BRWD3: variants seen among roughly 807,000 people sequenced by gnomAD.
The protein encoded by BRWD3 is bromodomain and WD repeat-containing protein 3.
Under a neutral mutation model 149.7 loss-of-function variants are expected in BRWD3, and 10 were observed. That is an observed-to-expected ratio of 0.07 (90% confidence interval 0.04 to 0.11). The LOEUF (loss-of-function observed/expected upper bound fraction) is 0.11, where lower values mean the gene tolerates loss of function less well. Among genes scored for constraint, BRWD3 ranks in the 10% least tolerant of loss-of-function variants. The pLI is 1.00. For missense variants in BRWD3, 940 were observed against 1,373.2 expected (o/e 0.68, Z 4.99); for synonymous variants, 504 against 456.7 (o/e 1.10, Z -1.32).
intron 33 of BRWD3, 65 bp downstream of exon 33, chrX:80,689,703 C>A: frequency 1.0e-6 from 1 of 972,627 alleles, no homozygotes; most frequent in Non-Finnish European, 1.5e-6. Flanking sequence ...AACATTTACA[C>A]ATAATACTGT....
At chrX:80,709,726 A>C in intron 20 of BRWD3, 149 bp from the exon 21 acceptor site, 1 of 501,357 alleles carries the variant, frequency 2.0e-6, no homozygotes, top group South Asian at 3.3e-5. Flanking sequence ...AACTATATTT[A>C]TACATATTTA....
rs201529579 is a variant in BRWD3, at chrX:80,701,348, G to C, written c.2836-1284C>G. 7.4e-5 allele frequency among the ~76,000 whole-genome samples: 8 copies of C among 108,595 alleles called. No individual in the cohort carries two copies. The East Asian group carries it at 2.3e-3, about 31-fold the overall frequency. 94.3% of individuals were successfully genotyped at this position (108,595 alleles called of 115,157 possible). A position where few individuals can be genotyped will look rare whatever the true frequency, so the allele number is the denominator to read the frequency against. ...GGATCACCTGAGGTCAGGAGTTCGA[G>C]ACCAGCCTGGCCAACATGGTGAAAC... On this transcript the variant is annotated intron_variant, in intron 24 of 40. Transcript: ENST00000373275.
At chrX:80,751,358 T>C (rs1020182955) in intron 6 of BRWD3, among the ~76,000 whole-genome samples, 2 of 111,457 alleles carry the variant, frequency 1.8e-5, no homozygotes, top group Admixed American at 9.6e-5. Context: ...ATTGTACGCC[T>C]TGAATATACA....
chrX:80,777,951 T>G (rs777514484), intron 6 of BRWD3, among the ~76,000 whole-genome samples: 13 of 111,174 alleles, frequency 1.2e-4, no homozygotes, highest in Non-Finnish European at 1.3e-4. Context: ...ACACACAGCC[T>G]AAGTTTTAAA....
At chrX:80,717,390 A>T in intron 19 of BRWD3, 183 bp downstream of exon 19, 1 of 460,169 alleles carries the variant, frequency 2.2e-6, no homozygotes, top group Non-Finnish European at 3.7e-6. Flanking sequence ...AGCATTCAGC[A>T]CAAAGCTGAA....
At chrX:80,801,214 CT>C (rs763933804) in intron 4 of BRWD3, among the ~76,000 whole-genome samples, 32 of 57,374 alleles carry the variant, frequency 5.6e-4, no homozygotes, top group South Asian at 1.6e-3. Context: ...GAGAAAACAT[CT>C]TTTTTTTTTT....
chrX:80,709,604 T>C lies in BRWD3; in HGVS notation c.2326-27A>G, dbSNP rs758778983. ...TGTAAAAGAGAAGAATAATAAATTT[T>C]AAAAAAGGAAAAGCTCAGTAAACAC... On this transcript the variant is annotated intron_variant, in intron 20 of 40. Coordinates refer to ENST00000373275, the MANE Select transcript of BRWD3 (RefSeq NM_153252.5). 6 of 1,187,634 alleles carry C rather than the reference T, an allele frequency of 5.1e-6. No individual in the cohort carries two copies. The South Asian group carries it at 1.1e-4, about 22-fold the overall frequency.
intron 6 of BRWD3, among the ~76,000 whole-genome samples, chrX:80,763,282 G>T (rs1420319511): frequency 9.0e-6 from 1 of 111,380 alleles, no homozygotes; most frequent in Non-Finnish European, 1.9e-5. Context: ...AGGCAATCTT[G>T]TTTCAAAGGC....
At chrX:80,767,139 C>A (rs999798367) in intron 6 of BRWD3, among the ~76,000 whole-genome samples, 4 of 112,096 alleles carry the variant, frequency 3.6e-5, no homozygotes, top group African/African-American at 1.3e-4. Flanking sequence ...CACCTCAGCT[C>A]AGCAAGAAAC....
chrX:80,713,249 A>G (rs1388318414), intron 20 of BRWD3, among the ~76,000 whole-genome samples: 3 of 111,333 alleles, frequency 2.7e-5, no homozygotes, highest in East Asian at 5.7e-4. Flanking sequence ...GGAATAGAAA[A>G]GGGGGAAAGG....
At chrX:80,719,382 A>G in intron 18 of BRWD3, 107 bp downstream of exon 18, 1 of 743,257 alleles carries the variant, frequency 1.3e-6, no homozygotes, top group Non-Finnish European at 1.9e-6. Context: ...AAATTAATAA[A>G]AAAGTTTTTA....
At chrX:80,692,584 T>C (rs1301913655) in intron 28 of BRWD3, among the ~76,000 whole-genome samples, 2 of 112,381 alleles carry the variant, frequency 1.8e-5, no homozygotes, top group Admixed American at 9.4e-5. Flanking sequence ...TTCATAGCTA[T>C]ATTCCAGCAA....
chrX:80,740,601 T>A (rs1409570267), intron 8 of BRWD3, among the ~76,000 whole-genome samples: 1 of 111,004 alleles, frequency 9.0e-6, no homozygotes, highest in Non-Finnish European at 1.9e-5. Flanking sequence ...ATACAAAATA[T>A]AGCCGGATGT....
At chrX:80,690,380 T>C (rs1445085108) in intron 31 of BRWD3, among the ~76,000 whole-genome samples, 1 of 110,984 alleles carries the variant, frequency 9.0e-6, no homozygotes, top group Non-Finnish European at 1.9e-5. Context: ...CAAAAGAATG[T>C]TTAGTTTAGT....
rs753132073 is a variant in BRWD3, at chrX:80,708,771, G to A, written c.2475+657C>T. On this transcript the variant is annotated intron_variant, in intron 21 of 40. Coordinates refer to ENST00000373275, the MANE Select transcript of BRWD3 (RefSeq NM_153252.5). ...GCAGAGGTTGCAGTGAGCCAAGTAC[G>A]TGTCACTGCACTCCAGCCTGGGGAC... Among the ~76,000 whole-genome samples the A allele has an allele frequency of 6.4e-5, 7 of 108,677 alleles. No individual in the cohort carries two copies. In the East Asian group the frequency reaches 1.5e-3, roughly 23 times the overall value. 94.4% of individuals were successfully genotyped at this position (108,677 alleles called of 115,157 possible).
chrX:80,708,311 G>A (rs998652845), intron 21 of BRWD3, among the ~76,000 whole-genome samples: 1 of 110,420 alleles, frequency 9.1e-6, no homozygotes, highest in Admixed American at 9.7e-5. Flanking sequence ...CAGGAGAATT[G>A]CTTGAACTTG....
In BRWD3 at chrX:80,734,213, T is replaced by C. The variant is rs765942717; in HGVS notation, c.991A>G (p.Met331Val). 7 of 1,153,860 alleles carry C rather than the reference T, an allele frequency of 6.1e-6. No individual in the cohort carries two copies. The highest frequency in any genetic ancestry group is 7.1e-6 in the Non-Finnish European group (6 of 844,536). The change falls in exon 11 of 41, where the codon ATG (methionine) becomes GTG (valine). Residue 331 changes from methionine to valine, a missense_variant. This residue lies in a region of BRWD3 where 209 missense variants were observed against 396.8 expected (regional missense o/e 0.53). Transcript: ENST00000373275. ...ISCSSFSSGG[M>V]FITTGSTDHV... ...TCAGTACTACCAGTTGTAATGAACA[T>C]ACCACCTAGAAGATTAAAAAACAAA...
intron 22 of BRWD3, among the ~76,000 whole-genome samples, chrX:80,706,148 G>T (rs532622419): frequency 1.8e-5 from 2 of 108,922 alleles, no homozygotes; most frequent in Non-Finnish European, 3.8e-5. Flanking sequence ...CACTCTTGTC[G>T]CACAGGCTGG....
At chrX:80,796,282 C>T (rs893567659) in intron 4 of BRWD3, among the ~76,000 whole-genome samples, 3 of 110,328 alleles carry the variant, frequency 2.7e-5, no homozygotes, top group Non-Finnish European at 5.7e-5. Context: ...AGGCACAAGC[C>T]ACCATGTCCA....
Sources: allele counts gnomAD v4.1 joint callset (sites outside exome capture counted in the v4.1 genomes callset), GRCh38; gene constraint gnomAD v4.1.1; regional missense constraint gnomAD v4.1.1; transcripts MANE v1.5; gene names NCBI Gene and HGNC (gene_info 2026-07-23, HGNC 2026-07-21).